The following ESRRG variants were observed in gnomAD, a reference collection of about 807,000 sequenced individuals.
The protein encoded by ESRRG is estrogen-related receptor gamma.
In ESRRG, 13 loss-of-function variants were observed where a neutral mutation model predicts 44.0. The observed-to-expected ratio is 0.30, with a 90% confidence interval of 0.19 to 0.47. The LOEUF is 0.47. ESRRG is among the 20% of genes least tolerant of loss of function. ESRRG has a pLI of 1.00. For missense variants in ESRRG, 395 were observed against 580.6 expected (o/e 0.68, Z 3.29); for synonymous variants, 215 against 214.6 (o/e 1.00, Z -0.02).
chr1:216,630,615 C>A (rs2063991836), intron 3 of ESRRG, among the ~76,000 whole-genome samples: 1 of 152,108 alleles, frequency 6.6e-6, no homozygotes, highest in South Asian at 2.1e-4. Context: ...GTGTGCACAG[C>A]TATAATAAAA....
intron 1 of ESRRG, among the ~76,000 whole-genome samples, chr1:216,940,723 A>G (rs2065079877): frequency 6.6e-6 from 1 of 152,178 alleles, no homozygotes; most frequent in African/African-American, 2.4e-5. Context: ...CTCTAAATCT[A>G]TTCACTAAAG....
At chr1:216,580,199 C>A (rs1356495843) in intron 3 of ESRRG, among the ~76,000 whole-genome samples, 1 of 152,186 alleles carries the variant, frequency 6.6e-6, no homozygotes, top group East Asian at 1.9e-4. Context: ...GTACAACATG[C>A]TTTACAGCCA....
intron 2 of ESRRG, among the ~76,000 whole-genome samples, chr1:216,768,450 TTATCTATCTATCTATC>T (rs79038947): frequency 8.0e-4 from 92 of 114,762 alleles, no homozygotes; most frequent in South Asian, 2.7e-3. Flanking sequence ...CTATCTATCA[TTATCTATCTATCTATC>T]TATCTATCTA....
intron 5 of ESRRG, among the ~76,000 whole-genome samples, chr1:216,526,446 A>T (rs2047682770): frequency 6.6e-6 from 1 of 152,106 alleles, no homozygotes; most frequent in Non-Finnish European, 1.5e-5. Context: ...AAGCCAAGGG[A>T]TGCTTGAGGC....
At chr1:216,605,256 T>A (rs2059772698) in intron 3 of ESRRG, among the ~76,000 whole-genome samples, 1 of 152,166 alleles carries the variant, frequency 6.6e-6, no homozygotes, top group African/African-American at 2.4e-5. Flanking sequence ...TAGTAAAACA[T>A]CTGTTTGGGA....
intron 3 of ESRRG, among the ~76,000 whole-genome samples, chr1:216,579,827 C>T (rs2062395979): frequency 6.6e-6 from 1 of 152,126 alleles, no homozygotes; most frequent in Admixed American, 6.5e-5. Context: ...AATGTCACTC[C>T]CTCATGTAGA....
chr1:216,941,811 G>T (rs1354369283), intron 1 of ESRRG, among the ~76,000 whole-genome samples: 1 of 152,162 alleles, frequency 6.6e-6, no homozygotes, highest in Non-Finnish European at 1.5e-5. Context: ...ATATGATTGA[G>T]AAGAATTTTG....
chr1:217,123,869 G>A (rs2092856615), intron 1 of ESRRG, among the ~76,000 whole-genome samples: 1 of 152,090 alleles, frequency 6.6e-6, no homozygotes, highest in African/African-American at 2.4e-5. Flanking sequence ...GCTCACCTAC[G>A]TAACAAACCT....
intron 1 of ESRRG, among the ~76,000 whole-genome samples, chr1:216,696,672 C>G (rs17627810): frequency 0.05 from 7,611 of 152,152 alleles, 256 homozygotes; most frequent in Middle Eastern, 0.12. Flanking sequence ...GAATTAGAGT[C>G]TTCTAATAAG....
At chr1:216,777,805 G>A (rs2093669533) in intron 2 of ESRRG, among the ~76,000 whole-genome samples, 1 of 151,994 alleles carries the variant, frequency 6.6e-6, no homozygotes, top group African/African-American at 2.4e-5. Context: ...CTGAATGCAG[G>A]AATGTTTTCT....
At chr1:216,804,633 C>T (rs2148361505) in intron 2 of ESRRG, among the ~76,000 whole-genome samples, 1 of 152,106 alleles carries the variant, frequency 6.6e-6, no homozygotes, top group Admixed American at 6.6e-5. Flanking sequence ...GCTTCTGCTA[C>T]ACCACACACT....
chr1:216,540,031 A>G (rs2052232166), intron 5 of ESRRG, among the ~76,000 whole-genome samples: 1 of 152,008 alleles, frequency 6.6e-6, no homozygotes, highest in Admixed American at 6.6e-5. Flanking sequence ...AATAGGCCCT[A>G]TTTCTGCTAA....
At chr1:216,514,106 A>C (rs947115128) in intron 6 of ESRRG, among the ~76,000 whole-genome samples, 2 of 152,132 alleles carry the variant, frequency 1.3e-5, no homozygotes, top group Non-Finnish European at 2.9e-5. Context: ...ATACTATGCC[A>C]AGACACAGTG....
chr1:216,504,562 G>T lies in ESRRG; in HGVS notation c.*2377C>A, dbSNP rs558015450. 2.0e-5 allele frequency: 3 copies of T among 152,490 alleles called. No individual in the cohort carries two copies. Among genetic ancestry groups the T allele is most frequent in the African/African-American group, 7.2e-5 (3 of 41,416 alleles). The allele number at this position is 152,490 out of a possible 1,614,324, so 9.4% of individuals were successfully genotyped here. A position where few individuals can be genotyped will look rare whatever the true frequency, so the allele number is the denominator to read the frequency against. On this transcript the variant is annotated 3_prime_UTR_variant, in exon 7 of 7. Transcript: ENST00000408911. ...TGGGTTGATGTTTCATCAACCCAAG[G>T]TATTTTGTTTAAAGCACACAAAGTA...
intron 1 of ESRRG, among the ~76,000 whole-genome samples, chr1:217,000,065 T>A (rs1292678411): frequency 6.6e-6 from 1 of 152,226 alleles, no homozygotes; most frequent in East Asian, 1.9e-4. Context: ...ATCTATTTCA[T>A]ACATCTTTGC....
chr1:216,907,281 T>C (rs947560079), intron 2 of ESRRG, among the ~76,000 whole-genome samples: 2 of 152,156 alleles, frequency 1.3e-5, no homozygotes, highest in African/African-American at 4.8e-5. Flanking sequence ...CAAAATCCAC[T>C]TCAGCAACTC....
chr1:216,682,709 A>AGTGT (rs72420221), intron 1 of ESRRG, among the ~76,000 whole-genome samples: 1,979 of 144,740 alleles, frequency 0.014, 24 homozygotes, highest in South Asian at 0.031. Flanking sequence ...AATACTCTAT[A>AGTGT]GTGTGTGTGT....
At chr1:217,122,343 A>G (rs1049250542) in intron 1 of ESRRG, among the ~76,000 whole-genome samples, 1 of 152,134 alleles carries the variant, frequency 6.6e-6, no homozygotes, top group Admixed American at 6.5e-5. Context: ...GAAAAAGAAA[A>G]GCAATCTGAA....
At chr1:216,728,348 G>C (rs1199506796), upstream of ESRRG, among the ~76,000 whole-genome samples, 1 of 152,100 alleles carries the variant, frequency 6.6e-6, no homozygotes, top group Non-Finnish European at 1.5e-5. Flanking sequence ...CCTATAGAAA[G>C]AGTAAATTAG....
Sources: gnomAD v4.1 joint callset for allele counts (sites outside exome capture counted in the v4.1 genomes callset) on GRCh38, gnomAD v4.1.1 for gene constraint, MANE v1.5 for transcripts, NCBI Gene and HGNC (gene_info 2026-07-23, HGNC 2026-07-21) for gene names.